ARID1B: variants seen among roughly 807,000 people sequenced by gnomAD.
The protein encoded by ARID1B is AT-rich interactive domain-containing protein 1B.
Under a neutral mutation model 212.3 loss-of-function variants are expected in ARID1B, and 30 were observed. That is an observed-to-expected ratio of 0.14 (90% CI 0.11 to 0.19). The LOEUF is 0.19. Ranked by LOEUF, ARID1B falls within the 10% of genes least tolerant of loss-of-function variation. The probability of loss-of-function intolerance (pLI) is 1.00; values close to 1 mark genes in which losing one functional copy is unlikely to be tolerated. For missense variants in ARID1B, 2,891 were observed against 3,204.0 expected, an observed-to-expected ratio of 0.90 and a Z score of 2.36; for synonymous variants, 1,402 against 1,301.7, an observed-to-expected ratio of 1.08 and a Z score of -1.66.
rs1790035245 is a variant in ARID1B, at chr6:157,149,361, T to TC, written c.3089+411dup. 1.6e-5 allele frequency: 3 copies of TC among 190,106 alleles called. No individual in the cohort carries two copies. The South Asian group carries it at 3.8e-4, about 24-fold the overall frequency. The allele number at this position is 190,106 out of a possible 1,614,324, so 11.8% of individuals were successfully genotyped here. A position where few individuals can be genotyped will look rare whatever the true frequency, so the allele number is the denominator to read the frequency against. Reference sequence around the variant, plus strand: ...AAGGAACACACTCCCCACCTTTTTTTCACCCTACCACAAGAATCTTCCTAA... The same window carrying TC: ...AAGGAACACACTCCCCACCTTTTTTTCCACCCTACCACAAGAATCTTCCTAA... On this transcript the variant is annotated intron_variant, in intron 8 of 19. Transcript: ENST00000636930.
chr6:157,160,739 G>T (rs534379293), intron 8 of ARID1B, among the ~76,000 whole-genome samples: 1 of 152,100 alleles, frequency 6.6e-6, no homozygotes, highest in Non-Finnish European at 1.5e-5. Flanking sequence ...TTGCTCTACC[G>T]CATTTTCTCC....
intron 11 of ARID1B, 180 bp downstream of exon 11, chr6:157,175,185 A>G (rs1293418489): frequency 6.0e-6 from 3 of 500,208 alleles, no homozygotes. Flanking sequence ...AAATGAATAA[A>G]GTTTGCGTGC....
intron 4 of ARID1B, among the ~76,000 whole-genome samples, chr6:157,000,852 G>A (rs1360320371): frequency 6.6e-6 from 1 of 151,766 alleles, no homozygotes; most frequent in Non-Finnish European, 1.5e-5. Context: ...CGCCACCACG[G>A]CCAGCTACAA....
At chr6:157,070,125 AT>A (rs374158502) in intron 4 of ARID1B, among the ~76,000 whole-genome samples, 42 of 151,598 alleles carry the variant, frequency 2.8e-4, no homozygotes, top group African/African-American at 9.2e-4. Context: ...ACTACTGATC[AT>A]TTTTTTTCTA....
intron 4 of ARID1B, among the ~76,000 whole-genome samples, chr6:156,989,097 A>G (rs1331057053): frequency 6.6e-6 from 1 of 151,932 alleles, no homozygotes; most frequent in Non-Finnish European, 1.5e-5. Context: ...GTGATCTCCT[A>G]CTCCCATTCT....
intron 4 of ARID1B, among the ~76,000 whole-genome samples, chr6:157,074,648 T>C (rs1784199098): frequency 6.6e-6 from 1 of 152,226 alleles, no homozygotes; most frequent in Non-Finnish European, 1.5e-5. Flanking sequence ...GGTCTCTCCC[T>C]TGTTCAAAGG....
intron 3 of ARID1B, among the ~76,000 whole-genome samples, chr6:156,903,269 C>T (rs1199126154): frequency 6.6e-6 from 1 of 152,088 alleles, no homozygotes. Flanking sequence ...TTCAGTCTAT[C>T]TTATGCTTTG....
intron 4 of ARID1B, among the ~76,000 whole-genome samples, chr6:157,083,563 T>C (rs901870652): frequency 3.3e-5 from 5 of 152,274 alleles, no homozygotes; most frequent in African/African-American, 1.2e-4. Flanking sequence ...TTTTCGTCTT[T>C]AGCACCTACA....
At chr6:156,905,202 C>CAATAG (rs1201774417) in intron 3 of ARID1B, among the ~76,000 whole-genome samples, 2 of 147,542 alleles carry the variant, frequency 1.4e-5, no homozygotes, top group Admixed American at 6.8e-5. Flanking sequence ...GGACTGGAAT[C>CAATAG]AATAGAATAG....
Position 157,039,322 on chromosome 6 carries a change from CTTTTTT to C in ARID1B, c.2248-45326_2248-45321del, listed in dbSNP as rs1003131791. On this transcript the variant is annotated intron_variant, in intron 4 of 19. Transcript: ENST00000636930. The stretch of plus-strand genomic sequence containing the variant: ...ATTAAAAATGGGAAATTTGACATTT[CTTTTTT>C]TTTTTTTTTTTTTGAGACGGAGTCT... 3.9e-5 allele frequency among the ~76,000 whole-genome samples: 4 copies of C among 102,976 alleles called. 1 individual carries two copies. The highest frequency in any genetic ancestry group is 7.9e-5 in the Non-Finnish European group (4 of 50,944). 67.6% of individuals were successfully genotyped at this position (102,976 alleles called of 152,430 possible). A position where few individuals can be genotyped will look rare whatever the true frequency, so the allele number is the denominator to read the frequency against.
intron 3 of ARID1B, among the ~76,000 whole-genome samples, chr6:156,909,793 G>A (rs981678962): frequency 9.9e-5 from 15 of 152,148 alleles, no homozygotes; most frequent in Admixed American, 6.5e-4. Flanking sequence ...ATTTGCAGTC[G>A]TTGAAAATCA....
intron 1 of ARID1B, among the ~76,000 whole-genome samples, chr6:156,828,512 C>T (rs1039997320): frequency 6.6e-6 from 1 of 152,208 alleles, no homozygotes; most frequent in Non-Finnish European, 1.5e-5. Context: ...TGAGGCTCCA[C>T]GCCTAGCCCT....
At chr6:156,808,624 AATAT>A (rs1328100118) in intron 1 of ARID1B, among the ~76,000 whole-genome samples, 2 of 152,172 alleles carry the variant, frequency 1.3e-5, no homozygotes, top group East Asian at 3.9e-4. Context: ...GCTAAAATTG[AATAT>A]ATATAAGTGT....
intron 1 of ARID1B, among the ~76,000 whole-genome samples, chr6:156,822,953 GA>G (rs1782462448): frequency 6.6e-6 from 1 of 152,212 alleles, no homozygotes; most frequent in Non-Finnish European, 1.5e-5. Flanking sequence ...GGGAAAAACA[GA>G]GGCATTTTGA....
chr6:156,845,076 C>A (rs1309856344), intron 2 of ARID1B, among the ~76,000 whole-genome samples: 1 of 152,194 alleles, frequency 6.6e-6, no homozygotes, highest in African/African-American at 2.4e-5. Flanking sequence ...AGCTCTGTCT[C>A]CGTAATTTAG....
At chr6:157,072,055 AT>A (rs1053949205) in intron 4 of ARID1B, 5 of 152,142 alleles carry the variant, frequency 3.3e-5, no homozygotes, top group Non-Finnish European at 7.4e-5. Context: ...TATGAGCAGA[AT>A]TTTTTCTTTG....
chr6:157,148,895 G>A lies in ARID1B; in HGVS notation c.3033G>A (p.Lys1011=). The A allele has an allele frequency of 6.2e-7, 1 of 1,612,842 alleles. No homozygotes were observed. The highest frequency in any genetic ancestry group is 8.5e-7 in the Non-Finnish European group (1 of 1,179,924). Residue 1011 remains lysine (K), a synonymous_variant, in exon 8 of 20, where the codon AAG becomes AAA. Transcript: ENST00000636930. The surrounding 1 kb of genome is among the most constrained non-coding windows in gnomAD (Gnocchi z 5.6). ...CGCCAATGCCAACTGTGAACCGTAA[G>A]GCACAGGAGGCAGCCGCAGCAGTGA... ...MGPPMPTVNR[K]AQEAAAAVMQ...
chr6:157,085,035 C>T, intron 5 of ARID1B, 130 bp downstream of exon 5: 4 of 1,199,876 alleles, frequency 3.3e-6, no homozygotes, highest in Non-Finnish European at 4.5e-6. Context: ...ACTGAATTCT[C>T]ACCAAGGCAT....
intron 6 of ARID1B, among the ~76,000 whole-genome samples, chr6:157,129,207 C>T (rs370660746): frequency 7.2e-5 from 11 of 152,172 alleles, no homozygotes; most frequent in African/African-American, 1.7e-4. Context: ...TCACAGGATC[C>T]GGGACTGTGG....
Sources: gnomAD v4.1 joint callset for allele counts (sites outside exome capture counted in the v4.1 genomes callset) on GRCh38, gnomAD v4.1.1 for gene constraint, Gnocchi (gnomAD v3.1) non-coding constraint, MANE v1.5 for transcripts, NCBI Gene and HGNC (gene_info 2026-07-23, HGNC 2026-07-21) for gene names.